Variants in COL4A1 observed in about 807,000 individuals in gnomAD.
COL4A1 encodes the protein collagen alpha-1(IV) chain.
COL4A1 carries 40 observed loss-of-function variants against 216.6 expected under a neutral mutation model. That is an observed-to-expected ratio of 0.18 (90% CI 0.14 to 0.24). The LOEUF (loss-of-function observed/expected upper bound fraction) is 0.24, where lower values mean the gene tolerates loss of function less well. COL4A1 is among the 10% of genes least tolerant of loss of function. The probability of loss-of-function intolerance (pLI) is 1.00; values close to 1 mark genes in which losing one functional copy is unlikely to be tolerated. For missense variants in COL4A1, 1,628 were observed against 2,196.8 expected, an observed-to-expected ratio of 0.74 and a Z score of 5.18; for synonymous variants, 839 against 810.7, an observed-to-expected ratio of 1.03 and a Z score of -0.59.
intron 44 of COL4A1, among the ~76,000 whole-genome samples, chr13:110,166,919 T>C (rs978931217): frequency 6.6e-6 from 1 of 152,202 alleles, no homozygotes; most frequent in Admixed American, 6.5e-5. Context: ...TGACTTCTTA[T>C]TGAGATATTA....
rs1877079069 is a variant in COL4A1 at position 110,161,378 on chromosome 13, G to A, written c.4463-9C>T. 2.5e-6 allele frequency: 4 copies of A among 1,604,432 alleles called. No homozygotes were observed. The highest frequency in any genetic ancestry group is 1.7e-6 in the Non-Finnish European group (2 of 1,174,780). On this transcript the variant is annotated splice_polypyrimidine_tract_variant and intron_variant, in intron 48 of 51. Coordinates refer to ENST00000375820, the MANE Select transcript of COL4A1 (RefSeq NM_001845.6). The stretch of plus-strand genomic sequence containing the variant: ...GCAGCTGCCGGCCGTGCCTAGACAA[G>A]GAAGAAGACAATGTGAGATGTTTCC...
intron 1 of COL4A1, among the ~76,000 whole-genome samples, chr13:110,279,498 GTTC>G (rs1883543249): frequency 1.3e-5 from 2 of 152,086 alleles, no homozygotes; most frequent in Non-Finnish European, 2.9e-5. Context: ...TTTTTGCTCA[GTTC>G]CCCATATCCT....
intron 2 of COL4A1, among the ~76,000 whole-genome samples, chr13:110,219,990 G>A (rs1880396031): frequency 6.9e-6 from 1 of 144,766 alleles, no homozygotes; most frequent in African/African-American, 2.6e-5. Context: ...ATATATTTGA[G>A]GCAGGGTCTC....
chr13:110,223,314 A>G (rs952627745), intron 2 of COL4A1, among the ~76,000 whole-genome samples: 1 of 152,160 alleles, frequency 6.6e-6, no homozygotes, highest in South Asian at 2.1e-4. Context: ...TTCTTCCACT[A>G]TAAGTTTATA....
intron 40 of COL4A1, among the ~76,000 whole-genome samples, chr13:110,173,090 T>C (rs959194294): frequency 6.6e-6 from 1 of 152,218 alleles, no homozygotes; most frequent in East Asian, 1.9e-4. Flanking sequence ...CAGACAACCA[T>C]CCACTAATTG....
At chr13:110,167,324 A>G in intron 43 of COL4A1, 94 bp from the exon 44 acceptor site, 1 of 928,004 alleles carries the variant, frequency 1.1e-6, no homozygotes, top group Non-Finnish European at 1.8e-6. Flanking sequence ...ACAGCCCCTC[A>G]ATGTTCTGGA....
At chr13:110,285,044 C>G (rs977773655) in intron 1 of COL4A1, among the ~76,000 whole-genome samples, 1 of 152,212 alleles carries the variant, frequency 6.6e-6, no homozygotes, top group Non-Finnish European at 1.5e-5. Context: ...CAGGGGATGG[C>G]CGTCAGTCTG....
intron 2 of COL4A1, among the ~76,000 whole-genome samples, chr13:110,220,449 G>A (rs1029475410): frequency 8.4e-4 from 128 of 152,236 alleles, no homozygotes; most frequent in African/African-American, 2.9e-3. Flanking sequence ...AAACCAGAAC[G>A]GCTTGTGGCT....
intron 1 of COL4A1, among the ~76,000 whole-genome samples, chr13:110,263,037 AG>A (rs1170537693): frequency 1.3e-5 from 2 of 152,252 alleles, no homozygotes; most frequent in Non-Finnish European, 2.9e-5. Flanking sequence ...TCTCCAGAGC[AG>A]GCAGGTAGGT....
At chr13:110,275,028 C>T (rs1883379684) in intron 1 of COL4A1, among the ~76,000 whole-genome samples, 1 of 152,164 alleles carries the variant, frequency 6.6e-6, no homozygotes, top group Admixed American at 6.5e-5. Flanking sequence ...AAACACAGTA[C>T]CAAAGGCATG....
chr13:110,285,695 G>T (rs1293144778), intron 1 of COL4A1, among the ~76,000 whole-genome samples: 1 of 152,160 alleles, frequency 6.6e-6, no homozygotes, highest in African/African-American at 2.4e-5. Flanking sequence ...AAAAGCAGAA[G>T]GAGGTTGTAT....
At chr13:110,170,924 C>T (rs1000150998) in intron 41 of COL4A1, among the ~76,000 whole-genome samples, 192 bp from the exon 42 acceptor site, 1 of 152,204 alleles carries the variant, frequency 6.6e-6, no homozygotes, top group African/African-American at 2.4e-5. Context: ...CACTAGAATC[C>T]GACCATGGCC....
At chr13:110,164,550 C>A (rs1877244595) in intron 46 of COL4A1, among the ~76,000 whole-genome samples, 1 of 152,170 alleles carries the variant, frequency 6.6e-6, no homozygotes, top group Non-Finnish European at 1.5e-5. Flanking sequence ...ATGCCACCCC[C>A]ATCTGGAGCG....
chr13:110,184,999 A>C (rs1425161193), intron 26 of COL4A1, among the ~76,000 whole-genome samples: 1 of 152,124 alleles, frequency 6.6e-6, no homozygotes, highest in Non-Finnish European at 1.5e-5. Flanking sequence ...AGGAAATATT[A>C]GTCCCTAATG....
In COL4A1 at chr13:110,206,723, G is replaced by A. The variant is rs761523716; in HGVS notation, c.808-8C>T. The A allele has an allele frequency of 3.0e-5, 49 of 1,613,710 alleles. No individual in the cohort carries two copies. The highest frequency in any genetic ancestry group is 3.9e-5 in the Non-Finnish European group (46 of 1,179,856). On this transcript the variant is annotated splice_region_variant and splice_polypyrimidine_tract_variant and intron_variant, in intron 14 of 51. Coordinates refer to ENST00000375820, the MANE Select transcript of COL4A1 (RefSeq NM_001845.6). ...TCCGACCCCTGGCATCCCCTTAAAG[G>A]AATAAAAAGACAAAGAGATTTATTC...
At chr13:110,262,062 G>A (rs963568682) in intron 1 of COL4A1, among the ~76,000 whole-genome samples, 5 of 152,204 alleles carry the variant, frequency 3.3e-5, no homozygotes, top group African/African-American at 1.2e-4. Flanking sequence ...GGGTTTAACT[G>A]GGTGGAGTGT....
intron 1 of COL4A1, among the ~76,000 whole-genome samples, chr13:110,305,576 C>A (rs907947932): frequency 6.6e-6 from 1 of 152,188 alleles, no homozygotes; most frequent in African/African-American, 2.4e-5. Context: ...ATTTCTAGAC[C>A]AAAATAAAGT....
chr13:110,253,669 GTATGTATGTATTACATATACATATAATTA>G (rs1882353754), intron 1 of COL4A1, among the ~76,000 whole-genome samples: 1 of 135,636 alleles, frequency 7.4e-6, no homozygotes, highest in African/African-American at 2.8e-5. Flanking sequence ...AATTATATGT[GTATGTATGTATTACATATACATATAATTA>G]TACGTATGTA....
At chr13:110,187,668 C>T (rs1878461821) in intron 24 of COL4A1, among the ~76,000 whole-genome samples, 1 of 152,212 alleles carries the variant, frequency 6.6e-6, no homozygotes, top group Non-Finnish European at 1.5e-5. Context: ...TAGGAACACA[C>T]AGCACCTGTC....
Sources: allele counts gnomAD v4.1 joint callset (sites outside exome capture counted in the v4.1 genomes callset), GRCh38; gene constraint gnomAD v4.1.1; transcripts MANE v1.5; gene names NCBI Gene and HGNC (gene_info 2026-07-23, HGNC 2026-07-21).